CIB4: variants seen among roughly 807,000 people sequenced by gnomAD.
CIB4 encodes the protein calcium and integrin binding family member 4, also known as calcium and integrin-binding family member 4.
Under a neutral mutation model 25.8 loss-of-function variants are expected in CIB4, and 25 were observed. The observed-to-expected ratio is 0.97, with a 90% confidence interval of 0.71 to 1.35. The LOEUF is 1.35. CIB4 is among the 40% of genes most tolerant of loss of function. CIB4 has a pLI of 0.00. For synonymous variants in CIB4, 75 were observed against 81.4 expected, an observed-to-expected ratio of 0.92 and a Z score of 0.42; for missense variants, 235 against 228.2, an observed-to-expected ratio of 1.03 and a Z score of -0.19.
intron 2 of CIB4, among the ~76,000 whole-genome samples, chr2:26,632,376 G>A (rs1319756914): frequency 6.6e-6 from 1 of 152,176 alleles, no homozygotes; most frequent in African/African-American, 2.4e-5. Flanking sequence ...AGATTCTCCA[G>A]GAAAGTACTG....
At chr2:26,608,136 G>C (rs1668926998) in intron 3 of CIB4, among the ~76,000 whole-genome samples, 1 of 152,010 alleles carries the variant, frequency 6.6e-6, no homozygotes, top group South Asian at 2.1e-4. Context: ...TACTCAGGAG[G>C]CTGAGGCAGG....
intron 4 of CIB4, among the ~76,000 whole-genome samples, chr2:26,584,962 G>A (rs554179239): frequency 2.4e-4 from 37 of 152,278 alleles, no homozygotes; most frequent in East Asian, 9.7e-4. Context: ...CCCACCCACC[G>A]TCCCGCCAGT....
chr2:26,612,443 C>A (rs1669012901), intron 3 of CIB4, among the ~76,000 whole-genome samples: 1 of 152,228 alleles, frequency 6.6e-6, no homozygotes, highest in South Asian at 2.1e-4. Flanking sequence ...CTACAGGGTT[C>A]TAAGAGCCTT....
intron 4 of CIB4, among the ~76,000 whole-genome samples, chr2:26,592,549 G>A (rs1003365769): frequency 4.6e-5 from 7 of 151,862 alleles, no homozygotes; most frequent in South Asian, 2.1e-4. Flanking sequence ...TTTCTGCACC[G>A]GTCACTCTCT....
chr2:26,630,970 C>G (rs1404814424), intron 2 of CIB4, among the ~76,000 whole-genome samples: 1 of 152,072 alleles, frequency 6.6e-6, no homozygotes. Context: ...CTTCATGGTC[C>G]CCTCCATGCT....
chr2:26,624,100 T>C (rs1669255379), intron 3 of CIB4, among the ~76,000 whole-genome samples: 1 of 152,212 alleles, frequency 6.6e-6, no homozygotes, highest in Non-Finnish European at 1.5e-5. Context: ...TGTTCTCCAC[T>C]GATAGGCAGA....
In CIB4 at chr2:26,582,867, G is replaced by A; in HGVS notation, c.485C>T (p.Ser162Leu). The A allele has an allele frequency of 6.2e-7, 1 of 1,613,818 alleles. No homozygotes were observed. The highest frequency in any genetic ancestry group is 1.1e-5 in the South Asian group (1 of 91,030). ...CTTGGCCATTGCATGTTCAAACTCT[G>A]AGAAGGACAGCATGTTGTCATTGTC... is the stretch of plus-strand genomic sequence containing the variant. ...DLDNDNMLSFSEFEHAMAKSP... is the reference protein window; with the variant it reads ...DLDNDNMLSFLEFEHAMAKSP... Residue 162 changes from serine to leucine, a missense_variant, in exon 6 of 7, where the codon TCA becomes TTA. Physicochemically the swap from Ser to Leu is moderately radical, Grantham distance 145 (BLOSUM62 -2). Coordinates refer to ENST00000288861, the MANE Select transcript of CIB4 (RefSeq NM_001029881.3).
intron 3 of CIB4, among the ~76,000 whole-genome samples, chr2:26,624,377 G>T (rs984006342): frequency 6.6e-6 from 1 of 152,140 alleles, no homozygotes; most frequent in African/African-American, 2.4e-5. Context: ...GGGAAGCAAG[G>T]CTTCTGCTTT....
At chr2:26,589,113 CTT>C (rs1177536440) in intron 4 of CIB4, among the ~76,000 whole-genome samples, 16 of 107,916 alleles carry the variant, frequency 1.5e-4, no homozygotes, top group African/African-American at 6.5e-4. Context: ...TCTTCCTCTT[CTT>C]CTTCTTCTTC....
At chr2:26,590,865 A>G (rs926997695) in intron 4 of CIB4, among the ~76,000 whole-genome samples, 5 of 152,142 alleles carry the variant, frequency 3.3e-5, no homozygotes, top group African/African-American at 1.2e-4. Flanking sequence ...GGGCCTGGAG[A>G]GAGAGTGGGG....
chr2:26,601,230 A>AT (rs1668780441), intron 3 of CIB4, among the ~76,000 whole-genome samples: 40 of 47,360 alleles, frequency 8.4e-4, no homozygotes, highest in African/African-American at 1.6e-3. Flanking sequence ...AAAAAAAAAA[A>AT]AATATATATA....
chr2:26,597,561 C>T (rs1243637421), intron 3 of CIB4, among the ~76,000 whole-genome samples: 1 of 151,890 alleles, frequency 6.6e-6, no homozygotes, highest in Non-Finnish European at 1.5e-5. Flanking sequence ...TATATGTAAA[C>T]AATAGCATAG....
intron 3 of CIB4, among the ~76,000 whole-genome samples, chr2:26,608,636 C>T (rs1309193917): frequency 6.6e-6 from 1 of 152,214 alleles, no homozygotes; most frequent in Admixed American, 6.5e-5. Flanking sequence ...CTGGACAGAG[C>T]CTGCCACCCA....
intron 4 of CIB4, among the ~76,000 whole-genome samples, chr2:26,594,712 G>A (rs1362040244): frequency 1.3e-5 from 2 of 152,082 alleles, no homozygotes; most frequent in Non-Finnish European, 2.9e-5. Context: ...CAGAGACAGA[G>A]ACCAAAAAAT....
At chr2:26,614,264 G>A (rs926222321) in intron 3 of CIB4, among the ~76,000 whole-genome samples, 1 of 152,228 alleles carries the variant, frequency 6.6e-6, no homozygotes, top group Admixed American at 6.5e-5. Context: ...TTGGGACCAG[G>A]ACTCTTGAAA....
chr2:26,620,694 C>A (rs1044245893), intron 3 of CIB4, among the ~76,000 whole-genome samples: 1 of 152,164 alleles, frequency 6.6e-6, no homozygotes, highest in Admixed American at 6.5e-5. Context: ...GGGACTTCAG[C>A]TTTAAAACAG....
At chr2:26,581,448 G>T (rs1195135298) in intron 6 of CIB4, 55 bp from the exon 7 acceptor site, 14 of 1,578,466 alleles carry the variant, frequency 8.9e-6, no homozygotes, top group Non-Finnish European at 1.1e-5. Flanking sequence ...GGGGCCCTCT[G>T]ACTCCTGGGT....
intron 4 of CIB4, among the ~76,000 whole-genome samples, chr2:26,593,375 C>G (rs765059085): frequency 4.0e-5 from 6 of 151,288 alleles, no homozygotes; most frequent in Non-Finnish European, 8.8e-5. Flanking sequence ...TATACACACG[C>G]ACACATATAC....
At chr2:26,615,253 C>T (rs1669069545) in intron 3 of CIB4, among the ~76,000 whole-genome samples, 1 of 152,178 alleles carries the variant, frequency 6.6e-6, no homozygotes, top group East Asian at 1.9e-4. Flanking sequence ...AAGCAGAATG[C>T]CTCTCCATCC....
Sources: allele counts gnomAD v4.1 joint callset (sites outside exome capture counted in the v4.1 genomes callset), GRCh38; gene constraint gnomAD v4.1.1; transcripts MANE v1.5; gene names NCBI Gene and HGNC (gene_info 2026-07-23, HGNC 2026-07-21).